The following TRMT11 variants were observed in gnomAD, a reference collection of about 807,000 sequenced individuals.
The protein encoded by TRMT11 is tRNA methyltransferase 11, also known as tRNA (guanine(10)-N(2))-methyltransferase TRMT11.
TRMT11 carries 53 observed loss-of-function variants against 62.8 expected under a neutral mutation model. That is an observed-to-expected ratio of 0.84 (90% CI 0.68 to 1.06). The LOEUF (loss-of-function observed/expected upper bound fraction) is 1.06. TRMT11 is among the 50% of genes least tolerant of loss of function. The probability of loss-of-function intolerance (pLI) is 0.00; values close to 1 mark genes in which losing one functional copy is unlikely to be tolerated. For missense variants in TRMT11, 556 were observed against 553.4 expected, an observed-to-expected ratio of 1.00 and a Z score of -0.05; for synonymous variants, 188 against 190.3, an observed-to-expected ratio of 0.99 and a Z score of 0.10.
Position 126,188,181 on chromosome 6 carries a change from C to CA in TRMT11, n.144-10612dup, listed in dbSNP as rs1778548091. Among the ~76,000 whole-genome samples the CA allele has an allele frequency of 2.0e-5, 3 of 151,506 alleles. No individual in the cohort carries two copies. In the South Asian group the frequency reaches 6.2e-4, roughly 32 times the overall value. On this transcript the variant is annotated intron_variant and non_coding_transcript_variant, in intron 1 of 3. Transcript: ENST00000444229. ...ATCAACCCCCCATATCCCAAGAAAACAAAAAAGAACTGAGAAGTGAACCAT... is the reference window on the plus strand; with the variant it reads ...ATCAACCCCCCATATCCCAAGAAAACAAAAAAAGAACTGAGAAGTGAACCAT...
chr6:126,258,034 C>G, the TRMT11 span: 2 of 1,392,272 alleles, frequency 1.4e-6, no homozygotes, highest in East Asian at 2.3e-5. Context: ...TCGACCCTGG[C>G]AGCCTGGGCA....
chr6:126,244,964 G>A, the TRMT11 span, among the ~76,000 whole-genome samples: 1 of 152,136 alleles, frequency 6.6e-6, no homozygotes, highest in South Asian at 2.1e-4. Flanking sequence ...TCAATGTAAT[G>A]AGGTTAGAAT....
At chr6:126,039,995 T>A (rs1775825634), downstream of TRMT11, among the ~76,000 whole-genome samples, 1 of 152,122 alleles carries the variant, frequency 6.6e-6, no homozygotes, top group Non-Finnish European at 1.5e-5. Flanking sequence ...CTGATTATTT[T>A]GTTTGGGTTT....
chr6:126,021,279 AG>A lies in TRMT11; in HGVS notation c.1260+1del. ...ACAATGGAAAAGGTGAAGAAATTTG[AG>A]GTAAATTGCTTCAGTATTTTTGGGA... ...LITMEKVKKF[E>X]NRDQYSHLLS... On this transcript the variant is annotated frameshift_variant and splice_region_variant, in exon 12 of 13. Coordinates refer to ENST00000334379, the MANE Select transcript of TRMT11 (RefSeq NM_001031712.3). LOFTEE classifies it high-confidence loss of function. The A allele has an allele frequency of 1.2e-6, 2 of 1,613,434 alleles. No homozygotes were observed. The highest frequency in any genetic ancestry group is 2.2e-5 in the South Asian group (2 of 91,024).
rs1383916708 is a variant in TRMT11 at position 126,093,616 on chromosome 6, TATA to T, written c.*1438-19249_*1438-19247del. Among the ~76,000 whole-genome samples, 30 of 93,180 alleles carry T rather than the reference TATA, an allele frequency of 3.2e-4. 3 individuals carry two copies. Among genetic ancestry groups the T allele is most frequent in the African/African-American group, 2.0e-3 (30 of 14,954 alleles). The allele number at this position is 93,180 out of a possible 152,430, so 61.1% of individuals were successfully genotyped here. A position where few individuals can be genotyped will look rare whatever the true frequency, so the allele number is the denominator to read the frequency against. The stretch of plus-strand genomic sequence containing the variant: ...ATATATATATATATATATATATATA[TATA>T]TATATATATATATTTTCCCCCAGTC... On this transcript the variant is annotated intron_variant and NMD_transcript_variant, in intron 17 of 22. Coordinates refer to the TRMT11 transcript ENST00000648977.
At chr6:126,086,598 C>G (rs1777219274) in intron 17 of TRMT11, among the ~76,000 whole-genome samples, 3 of 152,180 alleles carry the variant, frequency 2.0e-5, no homozygotes, top group Admixed American at 6.5e-5. Flanking sequence ...AAATCACAAC[C>G]TAGGTAAGTC....
chr6:126,000,910 A>C (rs1265687544), intron 7 of TRMT11, among the ~76,000 whole-genome samples: 1 of 152,196 alleles, frequency 6.6e-6, no homozygotes, highest in South Asian at 2.1e-4. Context: ...TCAAACTTTC[A>C]GAAAAGCTAC....
chr6:126,092,556 G>C (rs1431205262), intron 17 of TRMT11, among the ~76,000 whole-genome samples: 2 of 152,174 alleles, frequency 1.3e-5, no homozygotes, highest in Non-Finnish European at 2.9e-5. Flanking sequence ...TTCAAGATGA[G>C]ATTTGGGTTT....
chr6:126,039,715 A>G (rs183362100), downstream of TRMT11, among the ~76,000 whole-genome samples: 1 of 152,068 alleles, frequency 6.6e-6, no homozygotes, highest in Admixed American at 6.6e-5. Flanking sequence ...TTAATTCAGG[A>G]TGCTAATAGC....
chr6:125,986,679 GA>G, intron 1 of TRMT11, 57 bp downstream of exon 1: 1 of 1,495,412 alleles, frequency 6.7e-7, no homozygotes, highest in Non-Finnish European at 9.1e-7. Context: ...GAGTGGAGTG[GA>G]GTGGGTGGAG....
At chr6:126,255,338 TATTCTC>T in the TRMT11 span, among the ~76,000 whole-genome samples, 3 of 152,148 alleles carry the variant, frequency 2.0e-5, no homozygotes, top group Non-Finnish European at 4.4e-5. Context: ...ATTTGTATCT[TATTCTC>T]TGTCTCTGTC....
chr6:126,073,609 A>G (rs1254487852), intron 17 of TRMT11, among the ~76,000 whole-genome samples: 1 of 152,144 alleles, frequency 6.6e-6, no homozygotes, highest in African/African-American at 2.4e-5. Flanking sequence ...ATGTGACATG[A>G]ATATAAAATT....
At chr6:126,267,262 A>C in the TRMT11 span, among the ~76,000 whole-genome samples, 1 of 152,176 alleles carries the variant, frequency 6.6e-6, no homozygotes, top group Admixed American at 6.5e-5. Context: ...AAATGATTTA[A>C]TGTACATGTG....
the TRMT11 span, among the ~76,000 whole-genome samples, chr6:126,232,064 G>A: frequency 6.6e-6 from 1 of 152,174 alleles, no homozygotes; most frequent in East Asian, 1.9e-4. Context: ...CTTCTGGTGG[G>A]ACCCATACTG....
At chr6:126,138,093 A>G (rs895581816) in intron 21 of TRMT11, among the ~76,000 whole-genome samples, 1 of 151,920 alleles carries the variant, frequency 6.6e-6, no homozygotes, top group Non-Finnish European at 1.5e-5. Flanking sequence ...ATATTTCAAA[A>G]TAGCTAGAAA....
chr6:126,181,302 T>C (rs1778464334), intron 1 of TRMT11, among the ~76,000 whole-genome samples: 1 of 152,222 alleles, frequency 6.6e-6, no homozygotes, highest in South Asian at 2.1e-4. Flanking sequence ...CTAAATCCTC[T>C]TATTTTTGTT....
the TRMT11 span, among the ~76,000 whole-genome samples, chr6:126,271,363 CAAAAAAAAAA>C: frequency 8.3e-5 from 3 of 36,266 alleles, no homozygotes; most frequent in African/African-American, 1.0e-4. Context: ...GACTCCATCT[CAAAAAAAAAA>C]AAAAAAAAAA....
At chr6:126,225,802 A>T in the TRMT11 span, among the ~76,000 whole-genome samples, 21 of 139,456 alleles carry the variant, frequency 1.5e-4, no homozygotes, top group African/African-American at 5.0e-4. Context: ...CGATTTTCCC[A>T]CCTCAGCCTC....
At chr6:126,206,818 T>C (rs1778795905), downstream of TRMT11, among the ~76,000 whole-genome samples, 1 of 152,240 alleles carries the variant, frequency 6.6e-6, no homozygotes, top group South Asian at 2.1e-4. Context: ...TTAACATAAC[T>C]GAATTAAACT....
Sources: gnomAD v4.1 joint callset for allele counts (sites outside exome capture counted in the v4.1 genomes callset) on GRCh38, gnomAD v4.1.1 for gene constraint, MANE v1.5 for transcripts, NCBI Gene and HGNC (gene_info 2026-07-23, HGNC 2026-07-21) for gene names.